Variants in CAMK1D observed in about 807,000 individuals in gnomAD.
CAMK1D encodes the protein calcium/calmodulin dependent protein kinase ID.
In CAMK1D, 9 loss-of-function variants were observed where a neutral mutation model predicts 47.7. The observed-to-expected ratio is 0.19, with a 90% CI of 0.11 to 0.33. The LOEUF (loss-of-function observed/expected upper bound fraction) is 0.33, where lower values mean the gene tolerates loss of function less well. CAMK1D is among the 10% of genes least tolerant of loss of function. The pLI is 1.00. For missense variants in CAMK1D, 291 were observed against 488.7 expected, an observed-to-expected ratio of 0.60 and a Z score of 3.81; for synonymous variants, 184 against 184.9, an observed-to-expected ratio of 0.99 and a Z score of 0.04.
intron 1 of CAMK1D, among the ~76,000 whole-genome samples, chr10:12,448,438 C>T (rs1832986690): frequency 6.6e-6 from 1 of 151,756 alleles, no homozygotes; most frequent in African/African-American, 2.4e-5. Context: ...TCAAGTGATC[C>T]TCCTGCCTCA....
At chr10:12,798,538 G>A (rs1178862409) in intron 6 of CAMK1D, among the ~76,000 whole-genome samples, 1 of 152,220 alleles carries the variant, frequency 6.6e-6, no homozygotes, top group Non-Finnish European at 1.5e-5. Context: ...ATAGGTTACA[G>A]CGATCTGGGT....
rs540530663 is a variant in CAMK1D, at chr10:12,803,191, G to T, written c.642-11004G>T. On this transcript the variant is annotated intron_variant, in intron 6 of 10. Transcript: ENST00000619168. Reference sequence around the variant, plus strand: ...CAGTGCCTGGCACGGTGACAGCTCCGTACATGGTAGATGTGGTTATTAACG... The same window carrying T: ...CAGTGCCTGGCACGGTGACAGCTCCTTACATGGTAGATGTGGTTATTAACG... Among the ~76,000 whole-genome samples, 11 of 152,334 alleles carry T rather than the reference G, an allele frequency of 7.2e-5. No individual in the cohort carries two copies. The South Asian group carries it at 2.3e-3, about 32-fold the overall frequency.
At chr10:12,779,550 C>T (rs1401985789) in intron 5 of CAMK1D, among the ~76,000 whole-genome samples, 1 of 152,202 alleles carries the variant, frequency 6.6e-6, no homozygotes, top group African/African-American at 2.4e-5. Flanking sequence ...CCACCTCAGC[C>T]TCCTGCAGAG....
chr10:12,615,459 GGT>G lies in CAMK1D; in HGVS notation c.225-51273_225-51272del, dbSNP rs1838755174. ...GTGAGTGTGTGCATGTGTGTGTGTA[GGT>G]GTGAGTGTGTGCACGTGTGTAGGTG... is the stretch of plus-strand genomic sequence containing the variant. On this transcript the variant is annotated intron_variant, in intron 2 of 10. Transcript: ENST00000619168. Among the ~76,000 whole-genome samples the G allele has an allele frequency of 2.0e-5, 3 of 150,714 alleles. No individual in the cohort carries two copies. The South Asian group carries it at 6.3e-4, about 32-fold the overall frequency.
At chr10:12,438,791 T>C (rs922204466) in intron 1 of CAMK1D, among the ~76,000 whole-genome samples, 1 of 152,264 alleles carries the variant, frequency 6.6e-6, no homozygotes, top group Non-Finnish European at 1.5e-5. Flanking sequence ...CCTTTGCTTT[T>C]CTTCCCTGCC....
chr10:12,643,944 G>A (rs947287815), intron 2 of CAMK1D, among the ~76,000 whole-genome samples: 1 of 151,860 alleles, frequency 6.6e-6, no homozygotes, highest in African/African-American at 2.4e-5. Flanking sequence ...CACCCCCAGA[G>A]GAGATTGTCT....
At chr10:12,424,106 C>T (rs1038892947) in intron 1 of CAMK1D, among the ~76,000 whole-genome samples, 4 of 152,158 alleles carry the variant, frequency 2.6e-5, no homozygotes, top group Admixed American at 1.3e-4. Context: ...TGCCTGGTCC[C>T]GGGGCCACTC....
intron 1 of CAMK1D, among the ~76,000 whole-genome samples, chr10:12,533,308 T>A (rs1835867949): frequency 6.6e-6 from 1 of 152,206 alleles, no homozygotes; most frequent in South Asian, 2.1e-4. Flanking sequence ...CTGAATCATC[T>A]TTCCCTTGCA....
chr10:12,666,681 AAC>A, intron 2 of CAMK1D, 53 bp from the exon 3 acceptor site: 1 of 1,403,956 alleles, frequency 7.1e-7, no homozygotes, highest in South Asian at 1.2e-5. Flanking sequence ...TCTGTTTTGA[AAC>A]ATTTTCCTAT....
chr10:12,559,404 C>G (rs927475885), intron 2 of CAMK1D, among the ~76,000 whole-genome samples: 1 of 152,172 alleles, frequency 6.6e-6, no homozygotes, highest in Non-Finnish European at 1.5e-5. Flanking sequence ...GCATCTCCCC[C>G]ACCCGCCACC....
intron 1 of CAMK1D, among the ~76,000 whole-genome samples, chr10:12,398,010 A>G (rs1041169269): frequency 6.6e-6 from 1 of 152,340 alleles, no homozygotes; most frequent in African/African-American, 2.4e-5. Flanking sequence ...TTGATAGCCA[A>G]AATTTTTCAT....
chr10:12,820,847 C>T (rs537288900), intron 8 of CAMK1D, among the ~76,000 whole-genome samples: 7 of 152,284 alleles, frequency 4.6e-5, no homozygotes, highest in South Asian at 2.1e-4. Flanking sequence ...AACAGGCTGC[C>T]GACTGATGGC....
chr10:12,735,922 A>G (rs1269388288), intron 3 of CAMK1D, among the ~76,000 whole-genome samples: 5 of 152,134 alleles, frequency 3.3e-5, no homozygotes, highest in African/African-American at 9.7e-5. Flanking sequence ...GCTGATTTTG[A>G]TTGAAATTCC....
chr10:12,377,019 C>T (rs547064415), intron 1 of CAMK1D, among the ~76,000 whole-genome samples: 3 of 152,184 alleles, frequency 2.0e-5, no homozygotes, highest in South Asian at 4.2e-4. Context: ...CCTCGGCCTC[C>T]CAAAGTGCTG....
rs181848941 is a variant in CAMK1D, at chr10:12,834,335, C to T, written c.*5448C>T. 6.6e-6 allele frequency: 1 copy of T among 152,428 alleles called. No individual in the cohort carries two copies. The highest frequency in any genetic ancestry group is 6.5e-5 in the Admixed American group (1 of 15,302). 9.4% of individuals were successfully genotyped at this position (152,428 alleles called of 1,614,324 possible). A position where few individuals can be genotyped will look rare whatever the true frequency, so the allele number is the denominator to read the frequency against. On this transcript the variant is annotated 3_prime_UTR_variant, in exon 11 of 11. Transcript: ENST00000619168. The stretch of plus-strand genomic sequence containing the variant: ...GGCCACCTCCCGATGCCTCCAGAGT[C>T]AGTGGGAAGGAGTCAGCCCTTCCCA...
At chr10:12,734,437 C>G (rs1835070626) in intron 3 of CAMK1D, among the ~76,000 whole-genome samples, 4 of 36,606 alleles carry the variant, frequency 1.1e-4, no homozygotes, top group African/African-American at 4.3e-4. Context: ...TATATATACA[C>G]ACACACATAT....
At chr10:12,631,757 C>G (rs975030635) in intron 2 of CAMK1D, among the ~76,000 whole-genome samples, 3 of 151,310 alleles carry the variant, frequency 2.0e-5, no homozygotes, top group East Asian at 3.9e-4. Context: ...CATGGTCCTT[C>G]ATCATGTAGG....
chr10:12,536,138 A>G (rs1045011283), intron 1 of CAMK1D, among the ~76,000 whole-genome samples: 2 of 152,090 alleles, frequency 1.3e-5, no homozygotes, highest in East Asian at 1.9e-4. Flanking sequence ...AATTTACCCA[A>G]AAGTGTAGAA....
At chr10:12,674,176 C>T (rs1297129660) in intron 3 of CAMK1D, among the ~76,000 whole-genome samples, 1 of 152,194 alleles carries the variant, frequency 6.6e-6, no homozygotes, top group Non-Finnish European at 1.5e-5. Flanking sequence ...AACCCCTGAC[C>T]TCAAGCAATC....
Sources: allele counts gnomAD v4.1 joint callset (sites outside exome capture counted in the v4.1 genomes callset), GRCh38; gene constraint gnomAD v4.1.1; transcripts MANE v1.5; gene names NCBI Gene and HGNC (gene_info 2026-07-23, HGNC 2026-07-21).